PTN: variants seen among roughly 807,000 people sequenced by gnomAD.
The protein encoded by PTN is pleiotrophin.
PTN carries 18 observed loss-of-function variants against 24.1 expected under a neutral mutation model. The ratio of observed to expected loss-of-function variants is 0.75; its 90% confidence interval spans 0.52 to 1.11. PTN has a LOEUF of 1.11. Ranked by LOEUF, PTN falls within the 50% of genes least tolerant of loss-of-function variation. The pLI is 0.00. For missense variants in PTN, 163 were observed against 198.8 expected (o/e 0.82, Z 1.08); for synonymous variants, 78 against 68.6 (o/e 1.14, Z -0.67).
chr7:137,282,714 G>A (rs1021070564), intron 1 of PTN, among the ~76,000 whole-genome samples: 2 of 152,140 alleles, frequency 1.3e-5, no homozygotes, highest in Non-Finnish European at 2.9e-5. Context: ...CAGAAAGTTT[G>A]CTGTATTTAA....
intron 1 of PTN, among the ~76,000 whole-genome samples, chr7:137,268,622 A>G (rs899891269): frequency 6.6e-6 from 1 of 152,128 alleles, no homozygotes; most frequent in African/African-American, 2.4e-5. Flanking sequence ...CCTTCCATAC[A>G]ATGTCTGGAA....
intron 1 of PTN, among the ~76,000 whole-genome samples, chr7:137,307,027 T>C (rs1166994558): frequency 6.6e-6 from 1 of 152,062 alleles, no homozygotes; most frequent in African/African-American, 2.4e-5. Flanking sequence ...AAAGTGCCAA[T>C]TTTCCATACA....
At chr7:137,340,143 T>G (rs1810511707) in intron 1 of PTN, among the ~76,000 whole-genome samples, 1 of 152,200 alleles carries the variant, frequency 6.6e-6, no homozygotes, top group Non-Finnish European at 1.5e-5. Flanking sequence ...AATTAAATTT[T>G]ATCCCTAAAA....
intron 1 of PTN, among the ~76,000 whole-genome samples, chr7:137,301,010 C>A (rs1490819024): frequency 1.3e-5 from 2 of 148,320 alleles, no homozygotes; most frequent in Non-Finnish European, 3.0e-5. Context: ...TCCAAACAGC[C>A]TCTTAAAGGA....
chr7:137,255,971 T>C (rs898106423), intron 1 of PTN, among the ~76,000 whole-genome samples: 1 of 152,108 alleles, frequency 6.6e-6, no homozygotes, highest in Admixed American at 6.6e-5. Flanking sequence ...AGGCTGATAA[T>C]TTTTTTTCCA....
At chr7:137,333,985 C>T (rs1488005888) in intron 1 of PTN, among the ~76,000 whole-genome samples, 1 of 152,076 alleles carries the variant, frequency 6.6e-6, no homozygotes, top group Non-Finnish European at 1.5e-5. Context: ...AACTGGCTAG[C>T]CATATGTAGA....
chr7:137,252,092 G>T (rs537395500), intron 3 of PTN, among the ~76,000 whole-genome samples: 1 of 151,916 alleles, frequency 6.6e-6, no homozygotes. Context: ...GTTTCATTTC[G>T]TAAAAAACTG....
chr7:137,300,586 C>A lies in PTN; in HGVS notation c.-2+42853G>T, dbSNP rs1809790385. On this transcript the variant is annotated intron_variant, in intron 1 of 4. Transcript: ENST00000348225. ...AGTTTTTCAGACACAGTAAAGCCTG[C>A]CAAACCTGGAAGACATGAGCAGATA... Among the ~76,000 whole-genome samples the A allele has an allele frequency of 2.0e-5, 3 of 151,856 alleles. No homozygotes were observed. In the South Asian group the frequency reaches 6.2e-4, roughly 31 times the overall value.
In PTN at chr7:137,231,727, G is replaced by A. The variant is rs543505447; in HGVS notation, c.452-3652C>T. Reference sequence around the variant, plus strand: ...AAGAGTATTTCTCAAGGAAAGTAAGGAGTGTAAATCCAATTAGAATCTTGT... The same window carrying A: ...AAGAGTATTTCTCAAGGAAAGTAAGAAGTGTAAATCCAATTAGAATCTTGT... On this transcript the variant is annotated intron_variant, in intron 4 of 4. Transcript: ENST00000348225. Among the ~76,000 whole-genome samples the A allele has an allele frequency of 6.6e-5, 10 of 152,028 alleles. No homozygotes were observed. The East Asian group carries it at 7.8e-4, about 12-fold the overall frequency.
intron 1 of PTN, among the ~76,000 whole-genome samples, chr7:137,255,440 GTA>G (rs1275255885): frequency 3.9e-5 from 6 of 152,230 alleles, no homozygotes; most frequent in Admixed American, 2.6e-4. Flanking sequence ...ACCTATACAA[GTA>G]TATGTTTACT....
intron 1 of PTN, among the ~76,000 whole-genome samples, chr7:137,296,815 G>C (rs1368669901): frequency 3.3e-5 from 5 of 152,034 alleles, no homozygotes; most frequent in Admixed American, 3.3e-4. Context: ...GAGGATCGGA[G>C]CTGATCCTAA....
chr7:137,280,523 G>A (rs1809449532), intron 1 of PTN, among the ~76,000 whole-genome samples: 1 of 150,808 alleles, frequency 6.6e-6, no homozygotes, highest in Admixed American at 6.6e-5. Flanking sequence ...GCAGCCAGAG[G>A]AGTAATAAGA....
At chr7:137,269,307 G>A (rs1389410490) in intron 1 of PTN, among the ~76,000 whole-genome samples, 4 of 151,942 alleles carry the variant, frequency 2.6e-5, no homozygotes, top group Non-Finnish European at 5.9e-5. Flanking sequence ...TTTTGTTCAC[G>A]CAGTTTATCC....
intron 3 of PTN, among the ~76,000 whole-genome samples, chr7:137,252,230 T>C (rs1808840322): frequency 6.6e-6 from 1 of 151,912 alleles, no homozygotes; most frequent in African/African-American, 2.4e-5. Context: ...GCCACTTTGA[T>C]AGATGTAGAG....
intron 1 of PTN, among the ~76,000 whole-genome samples, chr7:137,286,635 A>G (rs1400770942): frequency 2.6e-5 from 4 of 152,216 alleles, no homozygotes; most frequent in Non-Finnish European, 5.9e-5. Flanking sequence ...TTTAGACTGA[A>G]CAAATTTATA....
intron 4 of PTN, among the ~76,000 whole-genome samples, chr7:137,240,801 G>A (rs1808615425): frequency 6.6e-6 from 1 of 152,194 alleles, no homozygotes. Flanking sequence ...TTAGATACCT[G>A]TATGGAATGA....
intron 1 of PTN, among the ~76,000 whole-genome samples, chr7:137,281,872 C>T (rs1158965191): frequency 6.6e-6 from 1 of 152,156 alleles, no homozygotes; most frequent in Non-Finnish European, 1.5e-5. Context: ...TTTATTTTCA[C>T]AATAACTTTA....
intron 4 of PTN, among the ~76,000 whole-genome samples, chr7:137,245,713 A>T (rs760970231): frequency 6.6e-6 from 1 of 152,180 alleles, no homozygotes; most frequent in African/African-American, 2.4e-5. Flanking sequence ...CTGTCCCTGA[A>T]GACCTTCCAG....
intron 1 of PTN, chr7:137,325,427 G>A (rs192362416): frequency 6.6e-6 from 1 of 152,402 alleles, no homozygotes; most frequent in African/African-American, 2.4e-5. Flanking sequence ...TATAGAAAAG[G>A]AAGGGAGTGT....
Sources: allele counts gnomAD v4.1 joint callset (sites outside exome capture counted in the v4.1 genomes callset), GRCh38; gene constraint gnomAD v4.1.1; transcripts MANE v1.5; gene names NCBI Gene and HGNC (gene_info 2026-07-23, HGNC 2026-07-21).